Variants in ORC4 observed in about 807,000 individuals in gnomAD.
ORC4 encodes the protein origin recognition complex, subunit 4 homolog.
Under a neutral mutation model 63.9 loss-of-function variants are expected in ORC4, and 55 were observed. The observed-to-expected ratio is 0.86, with a 90% CI of 0.69 to 1.08. The LOEUF (loss-of-function observed/expected upper bound fraction) is 1.08. Ranked by LOEUF, ORC4 falls within the 50% of genes least tolerant of loss-of-function variation. ORC4 has a pLI of 0.00. For synonymous variants in ORC4, 150 were observed against 168.5 expected (o/e 0.89, Z 0.85); for missense variants, 511 against 504.4 (o/e 1.01, Z -0.13).
In ORC4 at chr2:147,934,870, G is replaced by T. The variant is rs887683840; in HGVS notation, c.*640C>A. The T allele has an allele frequency of 1.3e-5, 2 of 152,184 alleles. No individual in the cohort carries two copies. The highest frequency in any genetic ancestry group is 4.8e-5 in the African/African-American group (2 of 41,424). The allele number at this position is 152,184 out of a possible 1,614,324, so 9.4% of individuals were successfully genotyped here. ...TAAGAAGGAAAATTCCAGTCCTTTT[G>T]ACCTATGGTAGGCTCAACAATCTGT... On this transcript the variant is annotated 3_prime_UTR_variant, in exon 14 of 14. Transcript: ENST00000392857.
intron 1 of ORC4, among the ~76,000 whole-genome samples, chr2:147,994,305 C>G (rs1691803695): frequency 6.6e-6 from 1 of 152,140 alleles, no homozygotes; most frequent in Non-Finnish European, 1.5e-5. Context: ...AAATTCAATG[C>G]AATCCCAATC....
intron 1 of ORC4, among the ~76,000 whole-genome samples, chr2:148,000,759 G>T (rs958184508): frequency 2.0e-5 from 3 of 152,044 alleles, no homozygotes; most frequent in Non-Finnish European, 4.4e-5. Flanking sequence ...ATATGGAAAG[G>T]CTGTTTTGAC....
intron 1 of ORC4, among the ~76,000 whole-genome samples, chr2:148,001,806 C>T (rs1692327148): frequency 6.6e-6 from 1 of 152,124 alleles, no homozygotes; most frequent in South Asian, 2.1e-4. Flanking sequence ...TTAAAAGACA[C>T]AGACTGGCAA....
intron 1 of ORC4, among the ~76,000 whole-genome samples, chr2:147,993,630 A>T (rs1691762489): frequency 6.6e-6 from 1 of 152,180 alleles, no homozygotes; most frequent in Admixed American, 6.5e-5. Context: ...GCAAGGATAA[A>T]TGGAAATGTC....
chr2:147,937,876 G>T (rs543590414), intron 13 of ORC4: 9 of 451,298 alleles, frequency 2.0e-5, no homozygotes, highest in Non-Finnish European at 3.6e-5. Flanking sequence ...GAAAGGGAAA[G>T]GTTATATCAC....
At chr2:147,937,018 C>CAAAAAAA (rs1199760938) in intron 13 of ORC4, 1 of 85,266 alleles carries the variant, frequency 1.2e-5, no homozygotes, top group East Asian at 3.3e-4. Flanking sequence ...GACTCCATCT[C>CAAAAAAA]AAAAAAAAAA....
chr2:148,005,561 GT>G (rs1489859893), intron 1 of ORC4, among the ~76,000 whole-genome samples: 2 of 136,204 alleles, frequency 1.5e-5, no homozygotes, highest in Admixed American at 8.3e-5. Context: ...AATAGACATT[GT>G]TTTTCCTTGC....
intron 13 of ORC4, chr2:147,937,911 G>C: frequency 1.8e-6 from 1 of 566,804 alleles, no homozygotes; most frequent in Non-Finnish European, 3.2e-6. Flanking sequence ...AGTTGTTTTC[G>C]GGATGCAAGT....
At chr2:147,968,094 A>G (rs1394543190) in intron 4 of ORC4, among the ~76,000 whole-genome samples, 1 of 152,110 alleles carries the variant, frequency 6.6e-6, no homozygotes, top group Admixed American at 6.6e-5. Flanking sequence ...CTGGATATGC[A>G]GAAGAATTAA....
intron 4 of ORC4, among the ~76,000 whole-genome samples, chr2:147,961,447 A>G (rs1374859896): frequency 3.3e-5 from 5 of 152,038 alleles, no homozygotes; most frequent in South Asian, 2.1e-4. Flanking sequence ...AGAAAAAAAA[A>G]AAAAGAAAAG....
intron 1 of ORC4, among the ~76,000 whole-genome samples, chr2:148,002,868 C>T (rs1353677022): frequency 6.6e-6 from 1 of 151,784 alleles, no homozygotes; most frequent in Non-Finnish European, 1.5e-5. Context: ...GACCGCTAGC[C>T]AGACTAATAA....
intron 1 of ORC4, among the ~76,000 whole-genome samples, chr2:147,982,386 A>G (rs1227869198): frequency 1.3e-5 from 2 of 152,226 alleles, no homozygotes; most frequent in African/African-American, 4.8e-5. Context: ...TTAAAATGTA[A>G]AAAGGAGAAA....
chr2:148,002,504 G>A (rs976436410), intron 1 of ORC4, among the ~76,000 whole-genome samples: 3 of 152,130 alleles, frequency 2.0e-5, no homozygotes, highest in South Asian at 2.1e-4. Flanking sequence ...ACCTGCTCCT[G>A]AATGAATACT....
At position 147,931,078 on chromosome 2, in the gene ORC4, T is replaced by G. The variant is rs1397726141; in HGVS notation, c.*4432A>C. On this transcript the variant is annotated 3_prime_UTR_variant, in exon 14 of 14. Coordinates refer to ENST00000392857, the MANE Select transcript of ORC4 (RefSeq NM_181741.4). ...GTGTCCATGTGATCTCATTGTTCAA[T>G]TCCCACCTATGAGTGAGAATATGCG... is the stretch of plus-strand genomic sequence containing the variant. 2 of 142,524 alleles carry G rather than the reference T, an allele frequency of 1.4e-5. No individual in the cohort carries two copies. Among genetic ancestry groups the G allele is most frequent in the East Asian group, 4.3e-4 (2 of 4,638 alleles). 8.8% of individuals were successfully genotyped at this position (142,524 alleles called of 1,614,324 possible).
intron 9 of ORC4, among the ~76,000 whole-genome samples, chr2:147,944,510 T>A (rs1039574068): frequency 3.3e-5 from 5 of 151,956 alleles, no homozygotes; most frequent in African/African-American, 1.2e-4. Context: ...CACAGCCCTT[T>A]GAGAAAGTAC....
chr2:147,931,091 G>A lies in ORC4; in HGVS notation c.*4419C>T, dbSNP rs1251624171. 6.9e-6 allele frequency: 1 copy of A among 145,872 alleles called. No homozygotes were observed. The highest frequency in any genetic ancestry group is 1.5e-5 in the Non-Finnish European group (1 of 66,618). The allele number at this position is 145,872 out of a possible 1,614,324, so 9.0% of individuals were successfully genotyped here. ...CTCATTGTTCAATTCCCACCTATGA[G>A]TGAGAATATGCGGTGTTTGGTTTTT... On this transcript the variant is annotated 3_prime_UTR_variant, in exon 14 of 14. Coordinates refer to ENST00000392857, the MANE Select transcript of ORC4 (RefSeq NM_181741.4).
At chr2:147,971,800 A>G (rs1003299263) in intron 4 of ORC4, among the ~76,000 whole-genome samples, 1 of 152,036 alleles carries the variant, frequency 6.6e-6, no homozygotes, top group African/African-American at 2.4e-5. Flanking sequence ...ATTACTGCAA[A>G]TATGATTATA....
chr2:147,994,539 A>G (rs1197667715), intron 1 of ORC4, among the ~76,000 whole-genome samples: 1 of 152,212 alleles, frequency 6.6e-6, no homozygotes, highest in South Asian at 2.1e-4. Flanking sequence ...GCCCACATAA[A>G]CATAGTCAGC....
At chr2:148,021,289 G>C, upstream of ORC4, 1 of 370,314 alleles carries the variant, frequency 2.7e-6, no homozygotes, top group Non-Finnish European at 5.3e-6. Context: ...GAGGGGGATT[G>C]AGCCTGAGAG....
Sources: gnomAD v4.1 joint callset for allele counts (sites outside exome capture counted in the v4.1 genomes callset) on GRCh38, gnomAD v4.1.1 for gene constraint, MANE v1.5 for transcripts, NCBI Gene and HGNC (gene_info 2026-07-23, HGNC 2026-07-21) for gene names.